The following SPOCK3 variants were observed in gnomAD, a reference collection of about 807,000 sequenced individuals.
SPOCK3 encodes the protein SPARC (osteonectin), cwcv and kazal like domains proteoglycan 3, also known as testican-3.
In SPOCK3, 30 loss-of-function variants were observed where a neutral mutation model predicts 56.6. The observed-to-expected ratio is 0.53, with a 90% CI of 0.40 to 0.72. The LOEUF is 0.72. Ranked by LOEUF, SPOCK3 falls within the 30% of genes least tolerant of loss-of-function variation. The pLI is 0.00. For missense variants in SPOCK3, 527 were observed against 530.0 expected (o/e 0.99, Z 0.06); for synonymous variants, 196 against 183.3 (o/e 1.07, Z -0.56).
intron 2 of SPOCK3, among the ~76,000 whole-genome samples, chr4:167,156,854 A>C (rs1259055603): frequency 6.6e-6 from 1 of 152,174 alleles, no homozygotes; most frequent in Non-Finnish European, 1.5e-5. Flanking sequence ...ATTACAGGGC[A>C]AGATTTAAAG....
chr4:166,833,842 G>A (rs1013714286), intron 6 of SPOCK3, among the ~76,000 whole-genome samples: 8 of 152,046 alleles, frequency 5.3e-5, no homozygotes, highest in African/African-American at 7.3e-5. Flanking sequence ...CTGTGGTTGC[G>A]TTTGGGCACA....
At chr4:167,147,636 AG>A (rs977040881) in intron 2 of SPOCK3, among the ~76,000 whole-genome samples, 83 of 152,302 alleles carry the variant, frequency 5.4e-4, no homozygotes, top group African/African-American at 1.9e-3. Context: ...AGCCATAAAA[AG>A]GATGAGTTCA....
intron 2 of SPOCK3, among the ~76,000 whole-genome samples, chr4:167,160,179 C>A (rs1350155730): frequency 1.3e-5 from 2 of 152,150 alleles, no homozygotes; most frequent in East Asian, 3.9e-4. Context: ...AGCTGATGAG[C>A]AACTTCAGCA....
chr4:167,051,802 A>G (rs1754229012), intron 3 of SPOCK3, among the ~76,000 whole-genome samples: 1 of 152,198 alleles, frequency 6.6e-6, no homozygotes, highest in South Asian at 2.1e-4. Flanking sequence ...TTCCATTTCT[A>G]GATTGTGTGT....
intron 4 of SPOCK3, among the ~76,000 whole-genome samples, chr4:166,954,659 C>T (rs1410079994): frequency 6.6e-6 from 1 of 152,128 alleles, no homozygotes; most frequent in African/African-American, 2.4e-5. Flanking sequence ...GTCCATTGGT[C>T]TGTGTTTCTA....
At chr4:166,969,886 G>A (rs1202689467) in intron 4 of SPOCK3, among the ~76,000 whole-genome samples, 3 of 152,030 alleles carry the variant, frequency 2.0e-5, no homozygotes, top group South Asian at 2.1e-4. Context: ...AGCTTTATGG[G>A]TAGTCTTAGG....
chr4:166,765,618 C>A (rs1053915925), intron 7 of SPOCK3, among the ~76,000 whole-genome samples: 9 of 152,226 alleles, frequency 5.9e-5, no homozygotes, highest in African/African-American at 2.2e-4. Context: ...AGTCAGGTAG[C>A]GTGATGCCTC....
chr4:166,750,427 C>T (rs577437667), intron 8 of SPOCK3, among the ~76,000 whole-genome samples: 10 of 152,038 alleles, frequency 6.6e-5, no homozygotes, highest in South Asian at 6.2e-4. Flanking sequence ...TTGCTACCAA[C>T]GAGTGTTTTA....
intron 2 of SPOCK3, among the ~76,000 whole-genome samples, chr4:167,140,617 A>G (rs901388879): frequency 6.6e-6 from 1 of 152,036 alleles, no homozygotes; most frequent in African/African-American, 2.4e-5. Context: ...CCACAACCAG[A>G]CAGATTGTGT....
chr4:167,180,518 G>T (rs145989681), intron 2 of SPOCK3, among the ~76,000 whole-genome samples: 4 of 152,154 alleles, frequency 2.6e-5, no homozygotes, highest in Admixed American at 1.3e-4. Flanking sequence ...GAGAGGTTAC[G>T]TTTCTATAAA....
intron 3 of SPOCK3, among the ~76,000 whole-genome samples, chr4:167,057,654 A>C (rs1279102630): frequency 6.6e-6 from 1 of 152,186 alleles, no homozygotes; most frequent in Non-Finnish European, 1.5e-5. Flanking sequence ...CTGATAAAAC[A>C]GACTTTAAAC....
chr4:167,020,325 T>C (rs936386113), intron 3 of SPOCK3, among the ~76,000 whole-genome samples: 1 of 152,092 alleles, frequency 6.6e-6, no homozygotes, highest in Non-Finnish European at 1.5e-5. Flanking sequence ...ATTTCTAGAA[T>C]AGCATTTGCA....
intron 4 of SPOCK3, among the ~76,000 whole-genome samples, chr4:166,978,782 A>G (rs2150087872): frequency 6.6e-6 from 1 of 152,356 alleles, no homozygotes; most frequent in East Asian, 1.9e-4. Flanking sequence ...CAACACACAC[A>G]TATACAAAGT....
At position 166,735,010 on chromosome 4, in the gene SPOCK3, T is replaced by C. The variant is rs1380834639; in HGVS notation, c.1213A>G (p.Ile405Val). The C allele has an allele frequency of 1.9e-6, 3 of 1,561,802 alleles. No individual in the cohort carries two copies. Among genetic ancestry groups the C allele is most frequent in the South Asian group, 1.1e-5 (1 of 89,706 alleles). ...WTDDEDDEDD[I>V]MNDEDEIEDD... ...TCAATTTCATCTTCATCATTCATAA[T>C]ATCGTCTTCATCATCCTCATCATCA... The change falls in exon 11 of 11, where the codon ATT becomes GTT. Residue 405 changes from isoleucine to valine, a missense_variant. Ile to Val is a conservative substitution (Grantham distance 29, BLOSUM62 3). Coordinates refer to ENST00000357545, the MANE Select transcript of SPOCK3 (RefSeq NM_001040159.2).
At chr4:166,946,660 C>A (rs1054311115) in intron 4 of SPOCK3, among the ~76,000 whole-genome samples, 2 of 152,132 alleles carry the variant, frequency 1.3e-5, no homozygotes, top group African/African-American at 4.8e-5. Context: ...TTTGGCATGT[C>A]GGATCCCTCT....
Position 166,829,322 on chromosome 4 carries a change from C to G in SPOCK3, c.590-37033G>C, listed in dbSNP as rs190624599. Among the ~76,000 whole-genome samples, 393 of 152,060 alleles carry G rather than the reference C, an allele frequency of 2.6e-3. 3 individuals are homozygous for G. The highest frequency in any genetic ancestry group is 9.1e-3 in the African/African-American group (377 of 41,532). ...AAAGAATGACAGCATTCATAACTAGCCAGGTGGCAGAAAATATTTCTACTC... is the reference window on the plus strand; with the variant it reads ...AAAGAATGACAGCATTCATAACTAGGCAGGTGGCAGAAAATATTTCTACTC... On this transcript the variant is annotated intron_variant, in intron 6 of 10. Transcript: ENST00000357545.
chr4:167,160,011 A>G (rs1201592851), intron 2 of SPOCK3, among the ~76,000 whole-genome samples: 2 of 152,134 alleles, frequency 1.3e-5, no homozygotes, highest in African/African-American at 2.4e-5. Context: ...CACCACTCCT[A>G]TTCAACATAT....
At chr4:166,870,633 A>T (rs889986305) in intron 6 of SPOCK3, among the ~76,000 whole-genome samples, 6 of 152,154 alleles carry the variant, frequency 3.9e-5, no homozygotes. Flanking sequence ...TCTGAAGAAA[A>T]ACTAAAAATT....
At chr4:167,223,792 T>A (rs1178298392) in intron 2 of SPOCK3, among the ~76,000 whole-genome samples, 2 of 152,082 alleles carry the variant, frequency 1.3e-5, no homozygotes, top group African/African-American at 4.8e-5. Context: ...CCTAAAAAAT[T>A]AAATTAAAAG....
Sources: gnomAD v4.1 joint callset for allele counts (sites outside exome capture counted in the v4.1 genomes callset) on GRCh38, gnomAD v4.1.1 for gene constraint, MANE v1.5 for transcripts, NCBI Gene and HGNC (gene_info 2026-07-23, HGNC 2026-07-21) for gene names.